Variants in PTPRK observed in about 807,000 individuals in gnomAD.
PTPRK encodes receptor-type tyrosine-protein phosphatase kappa.
A neutral mutation model predicts 178.0 loss-of-function variants in PTPRK; 75 were observed. That is an observed-to-expected ratio of 0.42 (90% CI 0.35 to 0.51). PTPRK has a LOEUF of 0.51. PTPRK is among the 20% of genes least tolerant of loss of function. PTPRK has a pLI of 0.02. For missense variants in PTPRK, 1,441 were observed against 1,797.8 expected (o/e 0.80, Z 3.59); for synonymous variants, 637 against 620.6 (o/e 1.03, Z -0.39).
chr6:128,419,002 T>C (rs1843150651), intron 1 of PTPRK, among the ~76,000 whole-genome samples: 2 of 152,260 alleles, frequency 1.3e-5, no homozygotes, highest in African/African-American at 2.4e-5. Context: ...CTTCCTTTTC[T>C]GAAAATTCTT....
chr6:128,308,175 C>T (rs1207025125), intron 3 of PTPRK, among the ~76,000 whole-genome samples: 3 of 151,332 alleles, frequency 2.0e-5, no homozygotes, highest in Non-Finnish European at 2.9e-5. Context: ...AATCATGATA[C>T]CATTTATAAA....
chr6:128,393,784 ATTT>A (rs1839934032), intron 2 of PTPRK, among the ~76,000 whole-genome samples: 1 of 152,142 alleles, frequency 6.6e-6, no homozygotes, highest in African/African-American at 2.4e-5. Context: ...ATGACATTTT[ATTT>A]ATTATTTTAG....
rs146198041 is a variant in PTPRK, at chr6:128,259,356, G to T, written c.496-16754C>A. On this transcript the variant is annotated intron_variant, in intron 3 of 29. Coordinates refer to ENST00000368226, the MANE Select transcript of PTPRK (RefSeq NM_002844.4). Reference sequence around the variant, plus strand: ...AGAAATTGTCAGATTGGGACAGGTTGCTTAAAAATAGAATATGAAGAGGAA... The same window carrying T: ...AGAAATTGTCAGATTGGGACAGGTTTCTTAAAAATAGAATATGAAGAGGAA... 6.6e-5 allele frequency among the ~76,000 whole-genome samples: 10 copies of T among 152,218 alleles called. No individual in the cohort carries two copies. In the East Asian group the frequency reaches 1.9e-3, roughly 29 times the overall value.
At chr6:127,983,716 C>T (rs193268215) in intron 22 of PTPRK, among the ~76,000 whole-genome samples, 1 of 152,296 alleles carries the variant, frequency 6.6e-6, no homozygotes, top group Admixed American at 6.5e-5. Flanking sequence ...GGCAGATTCA[C>T]GCTTCAAAAT....
chr6:128,274,682 T>C (rs1002274324), intron 3 of PTPRK, among the ~76,000 whole-genome samples: 1 of 152,014 alleles, frequency 6.6e-6, no homozygotes, highest in Non-Finnish European at 1.5e-5. Context: ...TCCAAACAAA[T>C]GGTTTAGAAA....
rs191687713 is a variant in PTPRK, at chr6:128,453,920, G to C, written c.101-56232C>G. Among the ~76,000 whole-genome samples, 697 of 152,194 alleles carry C rather than the reference G, an allele frequency of 4.6e-3. 6 individuals carry two copies. The highest frequency in any genetic ancestry group is 0.016 in the African/African-American group (659 of 41,534). Reference sequence around the variant, plus strand: ...AACTGTGGTTCCAGGTAACCAAATAGCCCTGGCAGGTAAAGCAAAGTTCTT... The same window carrying C: ...AACTGTGGTTCCAGGTAACCAAATACCCCTGGCAGGTAAAGCAAAGTTCTT... On this transcript the variant is annotated intron_variant, in intron 1 of 29. Coordinates refer to ENST00000368226, the MANE Select transcript of PTPRK (RefSeq NM_002844.4).
chr6:127,988,365 G>A (rs1291336162), intron 21 of PTPRK, among the ~76,000 whole-genome samples: 11 of 146,676 alleles, frequency 7.5e-5, no homozygotes, highest in Non-Finnish European at 1.0e-4. Context: ...GTGCAGTGGC[G>A]CCATCTTGGC....
chr6:128,324,574 TTAAATAA>T (rs1319500376), intron 2 of PTPRK, among the ~76,000 whole-genome samples: 5 of 152,160 alleles, frequency 3.3e-5, no homozygotes, highest in African/African-American at 1.2e-4. Flanking sequence ...TTCAAGCAAG[TTAAATAA>T]TAAAGAAAAA....
intron 3 of PTPRK, among the ~76,000 whole-genome samples, chr6:128,262,857 C>CA (rs747334195): frequency 0.037 from 2,772 of 75,042 alleles, 104 homozygotes; most frequent in African/African-American, 0.092. Context: ...AACCAATAAC[C>CA]AAAAAAAAAA....
chr6:128,171,427 C>T (rs943617925), intron 7 of PTPRK, among the ~76,000 whole-genome samples: 2 of 152,008 alleles, frequency 1.3e-5, no homozygotes, highest in Admixed American at 6.6e-5. Context: ...AACTCTCTTT[C>T]TTACCTTTCA....
chr6:128,049,225 A>C (rs1778589583), intron 13 of PTPRK, among the ~76,000 whole-genome samples: 1 of 152,174 alleles, frequency 6.6e-6, no homozygotes, highest in African/African-American at 2.4e-5. Context: ...ACTTCTGCCA[A>C]AACTAAATGC....
At chr6:128,490,997 A>T (rs1853685650) in intron 1 of PTPRK, among the ~76,000 whole-genome samples, 1 of 152,200 alleles carries the variant, frequency 6.6e-6, no homozygotes, top group South Asian at 2.1e-4. Context: ...CCTACCTCCA[A>T]ATACAATCAC....
At chr6:128,473,298 G>A (rs532765919) in intron 1 of PTPRK, among the ~76,000 whole-genome samples, 1 of 151,652 alleles carries the variant, frequency 6.6e-6, no homozygotes, top group Admixed American at 6.6e-5. Context: ...TGCTACAAAA[G>A]TGGTTTTGTG....
At chr6:128,090,845 A>G (rs1486888473) in intron 7 of PTPRK, among the ~76,000 whole-genome samples, 2 of 152,204 alleles carry the variant, frequency 1.3e-5, no homozygotes, top group African/African-American at 2.4e-5. Context: ...AAACTAACAC[A>G]CAACAAAAAC....
chr6:128,221,065 C>T (rs1183964022), intron 5 of PTPRK, among the ~76,000 whole-genome samples: 1 of 152,030 alleles, frequency 6.6e-6, no homozygotes, highest in Non-Finnish European at 1.5e-5. Flanking sequence ...TTTAAAAATT[C>T]CTTAAGGATA....
At chr6:128,412,941 T>C (rs1461468666) in intron 1 of PTPRK, among the ~76,000 whole-genome samples, 1 of 152,192 alleles carries the variant, frequency 6.6e-6, no homozygotes, top group Non-Finnish European at 1.5e-5. Flanking sequence ...CACTAGGAAT[T>C]TGGACAACCC....
At chr6:128,056,043 T>C (rs1313901644) in intron 13 of PTPRK, among the ~76,000 whole-genome samples, 1 of 150,962 alleles carries the variant, frequency 6.6e-6, no homozygotes, top group Non-Finnish European at 1.5e-5. Context: ...GCCCCGGCAA[T>C]GTGGCCTTTC....
intron 1 of PTPRK, among the ~76,000 whole-genome samples, chr6:128,475,083 A>G (rs1851204570): frequency 6.6e-6 from 1 of 152,126 alleles, no homozygotes; most frequent in Admixed American, 6.6e-5. Flanking sequence ...GTATCATTGC[A>G]TAGTGTTTAC....
intron 4 of PTPRK, among the ~76,000 whole-genome samples, chr6:128,242,191 ATTC>A (rs1489806649): frequency 1.3e-5 from 2 of 152,072 alleles, no homozygotes; most frequent in Non-Finnish European, 2.9e-5. Context: ...CTGATTTGCT[ATTC>A]TTCTCTGTTT....
Sources: gnomAD v4.1 joint callset for allele counts (sites outside exome capture counted in the v4.1 genomes callset) on GRCh38, gnomAD v4.1.1 for gene constraint, MANE v1.5 for transcripts, NCBI Gene and HGNC (gene_info 2026-07-23, HGNC 2026-07-21) for gene names.